Variants in ROBO1 observed in about 807,000 individuals in gnomAD.
ROBO1 encodes the protein roundabout homolog 1.
Under a neutral mutation model 195.9 loss-of-function variants are expected in ROBO1, and 149 were observed. The ratio of observed to expected loss-of-function variants is 0.76; its 90% CI spans 0.67 to 0.87. ROBO1 has a LOEUF of 0.87. Among genes scored for constraint, ROBO1 ranks in the 40% least tolerant of loss-of-function variants. The pLI, the probability that ROBO1 is intolerant of heterozygous loss-of-function variation, is 0.00. For missense variants in ROBO1, 1,933 were observed against 2,068.3 expected (o/e 0.93, Z 1.27); for synonymous variants, 816 against 733.2 (o/e 1.11, Z -1.82).
chr3:79,671,395 A>C (rs1371874873), intron 1 of ROBO1, among the ~76,000 whole-genome samples: 1 of 151,866 alleles, frequency 6.6e-6, no homozygotes, highest in Non-Finnish European at 1.5e-5. Context: ...ATATCTAATA[A>C]ATTTTACCAG....
At chr3:79,026,820 C>T (rs917864093) in intron 3 of ROBO1, among the ~76,000 whole-genome samples, 2 of 152,012 alleles carry the variant, frequency 1.3e-5, no homozygotes, top group African/African-American at 4.8e-5. Context: ...AATTTGAACA[C>T]AAACTATTTT....
chr3:78,712,480 T>G (rs2081787718), intron 8 of ROBO1, among the ~76,000 whole-genome samples: 1 of 152,204 alleles, frequency 6.6e-6, no homozygotes, highest in African/African-American at 2.4e-5. Flanking sequence ...TGTTTTTTTC[T>G]TATTTATCTT....
chr3:78,836,058 T>G (rs1211263210), intron 4 of ROBO1, among the ~76,000 whole-genome samples: 1 of 152,198 alleles, frequency 6.6e-6, no homozygotes, highest in African/African-American at 2.4e-5. Context: ...CTAAATCAAT[T>G]GATGTCTCTT....
intron 2 of ROBO1, among the ~76,000 whole-genome samples, chr3:79,220,888 G>A (rs1338285412): frequency 6.6e-6 from 1 of 151,964 alleles, no homozygotes; most frequent in Non-Finnish European, 1.5e-5. Context: ...ATTCTTTGTA[G>A]TAGGGGCATG....
At chr3:78,890,074 T>C (rs1437345864) in intron 4 of ROBO1, among the ~76,000 whole-genome samples, 1 of 152,036 alleles carries the variant, frequency 6.6e-6, no homozygotes, top group African/African-American at 2.4e-5. Flanking sequence ...AAACATGGCA[T>C]ATATTTTGCT....
At chr3:78,938,408 C>A (rs1029150968) in intron 4 of ROBO1, 193 bp downstream of exon 4, 7 of 537,584 alleles carry the variant, frequency 1.3e-5, no homozygotes, top group Middle Eastern at 5.0e-4. Flanking sequence ...GTGTAAATAC[C>A]AATTTAGCTT....
chr3:79,081,008 C>T (rs778487905), intron 3 of ROBO1, among the ~76,000 whole-genome samples: 2 of 151,994 alleles, frequency 1.3e-5, no homozygotes, highest in Non-Finnish European at 1.5e-5. Context: ...AAGAGTTATG[C>T]CTCACCTTAC....
At chr3:78,799,650 C>G (rs1262677377) in intron 4 of ROBO1, among the ~76,000 whole-genome samples, 1 of 152,010 alleles carries the variant, frequency 6.6e-6, no homozygotes, top group African/African-American at 2.4e-5. Flanking sequence ...CCTACTCTAC[C>G]ATTTTTGAAT....
Position 78,746,740 on chromosome 3 carries a change from C to CA in ROBO1, c.657+2dup. The CA allele has an allele frequency of 6.7e-7, 1 of 1,491,002 alleles. No individual in the cohort carries two copies. The highest frequency in any genetic ancestry group is 9.0e-7 in the Non-Finnish European group (1 of 1,105,106). 92.4% of individuals were successfully genotyped at this position (1,491,002 alleles called of 1,614,324 possible). ...GTCCTCTGCTGTTGAATTAAATACTCACAGTTATTCTTTCATCTTTATCAT... is the reference window on the plus strand; with the variant it reads ...GTCCTCTGCTGTTGAATTAAATACTCAACAGTTATTCTTTCATCTTTATCAT... On this transcript the variant is annotated splice_region_variant and intron_variant, in intron 5 of 30. Coordinates refer to ENST00000464233, the MANE Select transcript of ROBO1 (RefSeq NM_002941.4).
intron 1 of ROBO1, among the ~76,000 whole-genome samples, chr3:79,624,981 G>C (rs1288027536): frequency 6.6e-6 from 1 of 152,120 alleles, no homozygotes; most frequent in Non-Finnish European, 1.5e-5. Flanking sequence ...CAAAAGAACT[G>C]AAATTATAAC....
At chr3:79,064,074 G>T (rs2078965885) in intron 3 of ROBO1, among the ~76,000 whole-genome samples, 1 of 151,806 alleles carries the variant, frequency 6.6e-6, no homozygotes, top group African/African-American at 2.4e-5. Context: ...TGTTTCAAGG[G>T]AGCTGGAAGA....
chr3:79,458,588 G>GA (rs1046595325), intron 2 of ROBO1, among the ~76,000 whole-genome samples: 24 of 149,660 alleles, frequency 1.6e-4, no homozygotes, highest in Admixed American at 1.0e-3. Context: ...GTGTTAAAAG[G>GA]AAAAAAAAGG....
At chr3:79,184,209 A>T (rs750006118) in intron 2 of ROBO1, among the ~76,000 whole-genome samples, 3 of 152,208 alleles carry the variant, frequency 2.0e-5, no homozygotes, top group Non-Finnish European at 4.4e-5. Flanking sequence ...CTTAGGCTGC[A>T]CATTATTGAA....
chr3:79,264,967 T>C (rs990586673), intron 2 of ROBO1, among the ~76,000 whole-genome samples: 2 of 151,932 alleles, frequency 1.3e-5, no homozygotes, highest in Non-Finnish European at 2.9e-5. Context: ...AGCCGGATTC[T>C]AGGTTATAAT....
chr3:78,619,770 C>A (rs187483817), intron 26 of ROBO1, among the ~76,000 whole-genome samples: 3 of 152,158 alleles, frequency 2.0e-5, no homozygotes, highest in Admixed American at 6.5e-5. Flanking sequence ...GTAATCCCAG[C>A]ACTTTGAGAG....
intron 2 of ROBO1, among the ~76,000 whole-genome samples, chr3:79,250,540 C>T (rs1469914554): frequency 3.3e-5 from 5 of 151,678 alleles, no homozygotes; most frequent in Admixed American, 2.0e-4. Flanking sequence ...TCTGGCTGTA[C>T]GTTTGAAAAT....
intron 1 of ROBO1, among the ~76,000 whole-genome samples, chr3:79,749,630 G>A (rs764922796): frequency 2.5e-4 from 38 of 152,174 alleles, no homozygotes; most frequent in Non-Finnish European, 5.0e-4. Flanking sequence ...CCGTGTTCCA[G>A]CAACTCCAGC....
Position 78,766,656 on chromosome 3 carries a change from T to A in ROBO1, c.500-19756A>T, listed in dbSNP as rs572260298. The stretch of plus-strand genomic sequence containing the variant: ...CTGGCTAGGACTTCCAGTACTATGT[T>A]GAAGAGGAATGGTGAGAGTGGGCAT... On this transcript the variant is annotated intron_variant, in intron 4 of 30. Coordinates refer to ENST00000464233, the MANE Select transcript of ROBO1 (RefSeq NM_002941.4). Among the ~76,000 whole-genome samples the A allele has an allele frequency of 2.8e-4, 43 of 152,324 alleles. No homozygotes were observed. In the South Asian group the frequency reaches 8.7e-3, roughly 31 times the overall value.
chr3:79,137,228 T>C (rs1206879055), intron 2 of ROBO1, among the ~76,000 whole-genome samples: 1 of 151,376 alleles, frequency 6.6e-6, no homozygotes, highest in African/African-American at 2.5e-5. Context: ...GTTTAGTGAC[T>C]GGATGGTTCT....
Sources: allele counts gnomAD v4.1 joint callset (sites outside exome capture counted in the v4.1 genomes callset), GRCh38; gene constraint gnomAD v4.1.1; transcripts MANE v1.5; gene names NCBI Gene and HGNC (gene_info 2026-07-23, HGNC 2026-07-21).